The following ODF2 variants were observed in gnomAD, a reference collection of about 807,000 sequenced individuals.
The protein encoded by ODF2 is outer dense fiber of sperm tails 2.
ODF2 carries 47 observed loss-of-function variants against 110.2 expected under a neutral mutation model. The ratio of observed to expected loss-of-function variants is 0.43; its 90% CI spans 0.34 to 0.54. The LOEUF is 0.54. ODF2 is among the 20% of genes least tolerant of loss of function. The probability of loss-of-function intolerance (pLI) is 0.03; values close to 1 mark genes in which losing one functional copy is unlikely to be tolerated. For synonymous variants in ODF2, 352 were observed against 397.7 expected (o/e 0.89, Z 1.37); for missense variants, 812 against 1,054.5 (o/e 0.77, Z 3.19).
chr9:128,473,556 C>A, intron 7 of ODF2, 54 bp from the exon 8 acceptor site: 1 of 1,604,054 alleles, frequency 6.2e-7, no homozygotes. Context: ...GCCCATGGGG[C>A]CTGCTTCTTC....
intron 4 of ODF2, among the ~76,000 whole-genome samples, chr9:128,466,463 T>C: frequency 9.9e-5 from 2 of 20,246 alleles, no homozygotes; most frequent in African/African-American, 1.6e-4. Flanking sequence ...TGAGACCCCA[T>C]CTCAAAAAAA....
At chr9:128,473,805 C>T in intron 8 of ODF2, 64 bp downstream of exon 8, 2 of 1,478,782 alleles carry the variant, frequency 1.4e-6, no homozygotes, top group Non-Finnish European at 9.3e-7. Context: ...AGCCTTTCTC[C>T]TTGTCTGTAA....
rs972665072 is a variant in ODF2, at chr9:128,457,362, C to T, written c.-44C>T. 2.5e-6 allele frequency: 4 copies of T among 1,612,000 alleles called. No individual in the cohort carries two copies. In the African/African-American group the frequency reaches 4.0e-5, roughly 16 times the overall value. ...CCCCTCTGGGTCCCCCTGAGCAGAG[C>T]CTGCTGACCCAATTGCCCACCTTTG... is the stretch of plus-strand genomic sequence containing the variant. On this transcript the variant is annotated 5_prime_UTR_variant, in exon 2 of 21. Transcript: ENST00000604420.
Position 128,485,413 on chromosome 9 carries a change from C to T in ODF2, c.1339C>T (p.Arg447Cys), listed in dbSNP as rs1232947570. 6 of 1,611,928 alleles carry T rather than the reference C, an allele frequency of 3.7e-6. No individual in the cohort carries two copies. Among genetic ancestry groups the T allele is most frequent in the East Asian group, 2.2e-5 (1 of 44,856 alleles). Residue 447 changes from arginine (R) to cysteine (C), a missense_variant, in exon 13 of 21, where the codon CGC becomes TGC. Physicochemically the swap from Arg to Cys is radical, Grantham distance 180. Transcript: ENST00000604420. This position sits in a 1 kb window ranked among gnomAD's most constrained non-coding sequence, Gnocchi z 5.0. ...ATCCACTCTGGAATCCTGGAGGAGC[C>T]GCTACAACCAAGTTGTAAAAGAAAA...
chr9:128,483,187 C>G (rs892081609), intron 10 of ODF2, among the ~76,000 whole-genome samples: 1 of 152,000 alleles, frequency 6.6e-6, no homozygotes, highest in Admixed American at 6.6e-5. Context: ...GCCACTGCGC[C>G]CAGCCGCAGT....
At chr9:128,466,064 A>G (rs1837790426) in intron 4 of ODF2, among the ~76,000 whole-genome samples, 1 of 150,724 alleles carries the variant, frequency 6.6e-6, no homozygotes, top group Non-Finnish European at 1.5e-5. Flanking sequence ...GCTTAAGCCC[A>G]TGAGGCGGAG....
Position 128,485,574 on chromosome 9 carries a change from T to C in ODF2, c.1400+100T>C, listed in dbSNP as rs1446443071. On this transcript the variant is annotated intron_variant, in intron 13 of 20. Coordinates refer to ENST00000604420, the Ensembl canonical transcript of ODF2. This position sits in a 1 kb window ranked among gnomAD's most constrained non-coding sequence, Gnocchi z 5.0. Reference sequence around the variant, plus strand: ...CTCAGGGAAGGCCACGTGGCTGCTGTTTGTACTCTCCGGGTTGGGGGCTGC... The same window carrying C: ...CTCAGGGAAGGCCACGTGGCTGCTGCTTGTACTCTCCGGGTTGGGGGCTGC... 4.5e-6 allele frequency: 3 copies of C among 670,296 alleles called. No individual in the cohort carries two copies. The highest frequency in any genetic ancestry group is 5.4e-5 in the East Asian group (2 of 36,706). The allele number at this position is 670,296 out of a possible 1,614,324, so 41.5% of individuals were successfully genotyped here.
At chr9:128,483,104 C>T (rs1842733178) in intron 10 of ODF2, among the ~76,000 whole-genome samples, 1 of 152,062 alleles carries the variant, frequency 6.6e-6, no homozygotes, top group Non-Finnish European at 1.5e-5. Flanking sequence ...CCATGTTGGC[C>T]AGGATGGTCT....
At chr9:128,466,964 G>A (rs1338647480) in intron 4 of ODF2, among the ~76,000 whole-genome samples, 4 of 103,174 alleles carry the variant, frequency 3.9e-5, no homozygotes, top group Non-Finnish European at 5.2e-5. Context: ...GTGACAGAGC[G>A]AGACTCCATC....
intron 4 of ODF2, among the ~76,000 whole-genome samples, chr9:128,463,489 G>A (rs931883045): frequency 1.3e-5 from 2 of 152,114 alleles, no homozygotes; most frequent in Non-Finnish European, 2.9e-5. Flanking sequence ...GCAGTGGTAC[G>A]CACTTGTAGT....
intron 3 of ODF2, 56 bp from the exon 3 acceptor site, chr9:128,460,494 C>A (rs1836153952): frequency 3.1e-6 from 5 of 1,595,226 alleles, no homozygotes; most frequent in Non-Finnish European, 4.3e-6. Flanking sequence ...GTTTTTATGC[C>A]CAGTTTACTC....
At position 128,472,288 on chromosome 9, in the gene ODF2, A is replaced by G. The variant is rs114050294; in HGVS notation, c.582-625A>G. 4.8e-3 allele frequency among the ~76,000 whole-genome samples: 733 copies of G among 152,202 alleles called. 5 individuals are homozygous for G. Among genetic ancestry groups the G allele is most frequent in the African/African-American group, 0.017 (695 of 41,536 alleles). ...AGTGGCGTGATCCTGGCTCACTGCA[A>G]TGTCCGCCTCCTTGACTAAAGTAAT... On this transcript the variant is annotated intron_variant, in intron 6 of 20. Coordinates refer to ENST00000604420, the Ensembl canonical transcript of ODF2.
rs1232887691 is a variant in ODF2, at chr9:128,456,642, T to C, written c.-209+387T>C. The C allele has an allele frequency of 2.7e-6, 4 of 1,486,862 alleles. No homozygotes were observed. The Admixed American group carries it at 8.9e-5, about 33-fold the overall frequency. The allele number at this position is 1,486,862 out of a possible 1,614,324, so 92.1% of individuals were successfully genotyped here. ...CTCGCTCTGCTGCCCGTCGGCGGCA[T>C]CGCCCCGACCGCCTCGTCCTCTCCT... On this transcript the variant is annotated intron_variant, in intron 1 of 20. Coordinates refer to ENST00000604420, the Ensembl canonical transcript of ODF2.
chr9:128,455,642 T>A (rs528091168), upstream of ODF2, among the ~76,000 whole-genome samples: 1 of 142,332 alleles, frequency 7.0e-6, no homozygotes, highest in East Asian at 2.1e-4. Context: ...CGACCCTTTC[T>A]CCTGTTGGGG....
chr9:128,458,585 C>CTTT (rs1267169998), intron 2 of ODF2, among the ~76,000 whole-genome samples: 3 of 139,264 alleles, frequency 2.2e-5, no homozygotes, highest in Non-Finnish European at 4.7e-5. Context: ...TGCTCTCTCT[C>CTTT]TTTTTTTTTT....
chr9:128,475,421 C>T (rs1409394558), intron 8 of ODF2, among the ~76,000 whole-genome samples: 1 of 152,254 alleles, frequency 6.6e-6, no homozygotes, highest in Non-Finnish European at 1.5e-5. Flanking sequence ...ATGGCTAAGT[C>T]AAGTTAATCA....
intron 1 of ODF2, chr9:128,456,724 G>A: frequency 7.3e-7 from 1 of 1,363,822 alleles, no homozygotes. Flanking sequence ...TGTCCCCCGG[G>A]CACCGTCTCC....
intron 10 of ODF2, among the ~76,000 whole-genome samples, chr9:128,483,193 G>A (rs371880804): frequency 1.1e-4 from 16 of 152,072 alleles, no homozygotes; most frequent in South Asian, 6.2e-4. Flanking sequence ...GCGCCCAGCC[G>A]CAGTTGTGCA....
At chr9:128,496,308 T>C (rs1845548371) in intron 18 of ODF2, 167 bp downstream of exon 18, 1 of 1,487,494 alleles carries the variant, frequency 6.7e-7, no homozygotes, top group African/African-American at 1.4e-5. Flanking sequence ...GTAAGCATTG[T>C]GGGAGAGAGC....
Sources: gnomAD v4.1 joint callset for allele counts (sites outside exome capture counted in the v4.1 genomes callset) on GRCh38, gnomAD v4.1.1 for gene constraint, Gnocchi (gnomAD v3.1) non-coding constraint, MANE v1.5 for transcripts, NCBI Gene and HGNC (gene_info 2026-07-23, HGNC 2026-07-21) for gene names.